TIAL1: variants seen among roughly 807,000 people sequenced by gnomAD.
The protein encoded by TIAL1 is TIA1 cytotoxic granule associated RNA binding protein like 1.
A neutral mutation model predicts 59.7 loss-of-function variants in TIAL1; 7 were observed. That is an observed-to-expected ratio of 0.12 (90% CI 0.07 to 0.22). The LOEUF is 0.22. TIAL1 is among the 10% of genes least tolerant of loss of function. The probability of loss-of-function intolerance (pLI) is 1.00; values close to 1 mark genes in which losing one functional copy is unlikely to be tolerated. For missense variants in TIAL1, 225 were observed against 462.5 expected (o/e 0.49, Z 4.71); for synonymous variants, 149 against 146.3 (o/e 1.02, Z -0.13).
chr10:119,580,750 A>G, intron 5 of TIAL1: 3 of 1,067,542 alleles, frequency 2.8e-6, no homozygotes, highest in Non-Finnish European at 3.4e-6. Context: ...TATAATAAGA[A>G]TAAATAGAAA....
At chr10:119,578,935 G>T in intron 6 of TIAL1, 101 bp from the exon 7 acceptor site, 1 of 838,236 alleles carries the variant, frequency 1.2e-6, no homozygotes, top group Non-Finnish European at 1.9e-6. Flanking sequence ...ATACAAATCA[G>T]TAGATGAATT....
rs1289641959 is a variant in TIAL1 at position 119,576,763 on chromosome 10, A to G, written c.862-13T>C. The G allele has an allele frequency of 6.2e-7, 1 of 1,611,902 alleles. No homozygotes were observed. The highest frequency in any genetic ancestry group is 8.5e-7 in the Non-Finnish European group (1 of 1,179,480). On this transcript the variant is annotated splice_polypyrimidine_tract_variant and intron_variant, in intron 10 of 11. Transcript: ENST00000436547. ...GACTATAGTCAACCTAGGAAAAAGC[A>G]AAGTATTGTTTTAGGGAACACATAA... is the stretch of plus-strand genomic sequence containing the variant.
At chr10:119,593,337 A>T in intron 1 of TIAL1, 1 of 343,576 alleles carries the variant, frequency 2.9e-6, no homozygotes, top group Non-Finnish European at 4.1e-6. Context: ...ACAGACCTTT[A>T]AAGCAACTAT....
chr10:119,594,675 A>C (rs1292456905), intron 1 of TIAL1, among the ~76,000 whole-genome samples: 2 of 152,066 alleles, frequency 1.3e-5, no homozygotes, highest in African/African-American at 4.8e-5. Flanking sequence ...ACCAGTCTGG[A>C]GTGCAGTGGT....
intron 1 of TIAL1, among the ~76,000 whole-genome samples, chr10:119,595,311 C>T (rs1846107439): frequency 6.6e-6 from 1 of 151,828 alleles, no homozygotes; most frequent in Non-Finnish European, 1.5e-5. Context: ...CTATCAATAC[C>T]AGGAGAGGCA....
intron 2 of TIAL1, among the ~76,000 whole-genome samples, chr10:119,585,794 C>T (rs1392307199): frequency 6.6e-6 from 1 of 152,158 alleles, no homozygotes; most frequent in African/African-American, 2.4e-5. Context: ...GCATGTTGAG[C>T]TCAACAATGA....
chr10:119,594,255 G>A (rs1211566240), intron 1 of TIAL1, among the ~76,000 whole-genome samples: 1 of 152,184 alleles, frequency 6.6e-6, no homozygotes, highest in Non-Finnish European at 1.5e-5. Context: ...CAAGAGATTA[G>A]AGAAGGTAGA....
intron 2 of TIAL1, among the ~76,000 whole-genome samples, chr10:119,584,350 G>A (rs564144972): frequency 6.6e-6 from 1 of 151,600 alleles, no homozygotes; most frequent in South Asian, 2.1e-4. Context: ...ATTATATAAG[G>A]AAAGCTAGAA....
intron 11 of TIAL1, 133 bp from the exon 12 acceptor site, chr10:119,575,924 G>A (rs1844966638): frequency 3.6e-6 from 3 of 838,558 alleles, no homozygotes; most frequent in South Asian, 2.3e-5. Context: ...CAAATAGAAA[G>A]ATCAAAGAAA....
At chr10:119,580,427 A>T (rs1051577920) in intron 5 of TIAL1, 2 of 846,352 alleles carry the variant, frequency 2.4e-6, no homozygotes, top group African/African-American at 3.7e-5. Flanking sequence ...ATGAAATATT[A>T]AAAAATTGAA....
rs535663255 is a variant in TIAL1 at position 119,594,331 on chromosome 10, G to A, written c.32+2103C>T. On this transcript the variant is annotated intron_variant, in intron 1 of 11. Transcript: ENST00000436547. ...CTGGAGAAACTCTGATAGGGATGAAGGCAAGGCAGATGCAAAGATAAATAA... is the reference window on the plus strand; with the variant it reads ...CTGGAGAAACTCTGATAGGGATGAAAGCAAGGCAGATGCAAAGATAAATAA... Among the ~76,000 whole-genome samples, 6 of 152,258 alleles carry A rather than the reference G, an allele frequency of 3.9e-5. No homozygotes were observed. The South Asian group carries it at 1.0e-3, about 26-fold the overall frequency.
intron 5 of TIAL1, among the ~76,000 whole-genome samples, chr10:119,581,007 G>A (rs953664333): frequency 6.6e-6 from 1 of 151,890 alleles, no homozygotes; most frequent in Non-Finnish European, 1.5e-5. Context: ...AAAAAGCAAA[G>A]CAAATATCAA....
chr10:119,582,415 G>A lies in TIAL1; in HGVS notation c.228+44C>T. 1.3e-6 allele frequency: 2 copies of A among 1,537,430 alleles called. No individual in the cohort carries two copies. The highest frequency in any genetic ancestry group is 1.7e-6 in the Non-Finnish European group (2 of 1,148,844). ...GAAAGAATACAAACTAGTTTGACATGCAAATATATGTACTCATAAGGTGCC... is the reference window on the plus strand; with the variant it reads ...GAAAGAATACAAACTAGTTTGACATACAAATATATGTACTCATAAGGTGCC... On this transcript the variant is annotated intron_variant, in intron 3 of 11. Coordinates refer to ENST00000436547, the MANE Select transcript of TIAL1 (RefSeq NM_003252.4). The surrounding 1 kb of genome is among the most constrained non-coding windows in gnomAD (Gnocchi z 5.1).
chr10:119,586,477 T>G (rs1845575529), intron 2 of TIAL1, among the ~76,000 whole-genome samples: 1 of 152,158 alleles, frequency 6.6e-6, no homozygotes, highest in Non-Finnish European at 1.5e-5. Flanking sequence ...ATCCAGATGG[T>G]TTTTCTCCTT....
chr10:119,592,744 CTATA>C (rs1410136671), intron 1 of TIAL1, among the ~76,000 whole-genome samples: 29 of 148,018 alleles, frequency 2.0e-4, no homozygotes, highest in Non-Finnish European at 1.5e-5. Flanking sequence ...AATTGACCAA[CTATA>C]TATATGAGAT....
intron 1 of TIAL1, among the ~76,000 whole-genome samples, chr10:119,589,543 C>G (rs1845745719): frequency 6.6e-6 from 1 of 152,090 alleles, no homozygotes; most frequent in South Asian, 2.1e-4. Flanking sequence ...AAAGCTAATA[C>G]AAAGATTTCT....
intron 6 of TIAL1, among the ~76,000 whole-genome samples, chr10:119,579,148 C>T (rs1040539784): frequency 1.9e-4 from 29 of 152,104 alleles, no homozygotes; most frequent in Middle Eastern, 3.4e-3. Context: ...ACTAGCCTGG[C>T]GAACCCAAGT....
rs947430906 is a variant in TIAL1 at position 119,580,017 on chromosome 10, A to G, written c.372-7T>C. 6 of 1,608,494 alleles carry G rather than the reference A, an allele frequency of 3.7e-6. No homozygotes were observed. The highest frequency in any genetic ancestry group is 3.4e-5 in the Admixed American group (2 of 59,026). The stretch of plus-strand genomic sequence containing the variant: ...TTTAACTACCCGGGCATCCCTGTGA[A>G]AAGAAGCACAGCTAAATGAGGGAAG... On this transcript the variant is annotated splice_polypyrimidine_tract_variant and splice_region_variant and intron_variant, in intron 5 of 11. Coordinates refer to ENST00000436547, the MANE Select transcript of TIAL1 (RefSeq NM_003252.4).
intron 1 of TIAL1, among the ~76,000 whole-genome samples, chr10:119,590,654 G>T (rs1362015221): frequency 6.6e-6 from 1 of 151,970 alleles, no homozygotes; most frequent in Non-Finnish European, 1.5e-5. Context: ...AGGTTGCAGT[G>T]AGCCGAGATT....
Sources: gnomAD v4.1 joint callset for allele counts (sites outside exome capture counted in the v4.1 genomes callset) on GRCh38, gnomAD v4.1.1 for gene constraint, Gnocchi (gnomAD v3.1) non-coding constraint, MANE v1.5 for transcripts, NCBI Gene and HGNC (gene_info 2026-07-23, HGNC 2026-07-21) for gene names.